Variants in ZMYM2 observed in about 807,000 individuals in gnomAD.
The protein encoded by ZMYM2 is zinc finger MYM-type containing 2, also known as zinc finger MYM-type protein 2.
A neutral mutation model predicts 162.8 loss-of-function variants in ZMYM2; 56 were observed. That is an observed-to-expected ratio of 0.34 (90% CI 0.28 to 0.43). ZMYM2 has a LOEUF of 0.43. Ranked by LOEUF, ZMYM2 falls within the 20% of genes least tolerant of loss-of-function variation. ZMYM2 has a pLI of 1.00. For missense variants in ZMYM2, 1,275 were observed against 1,621.8 expected (o/e 0.79, Z 3.67); for synonymous variants, 510 against 541.6 (o/e 0.94, Z 0.81).
At chr13:19,885,914 T>TGTGTGTATACACATATATGTGTATAC in the ZMYM2 span, among the ~76,000 whole-genome samples, 5 of 37,876 alleles carry the variant, frequency 1.3e-4, 1 homozygote, top group Admixed American at 6.3e-4. Context: ...TATATGTATA[T>TGTGTGTATACACATATATGTGTATAC]ACACATATAT....
At chr13:20,029,708 A>G (rs1952905556) in intron 9 of ZMYM2, among the ~76,000 whole-genome samples, 2 of 152,332 alleles carry the variant, frequency 1.3e-5, no homozygotes. Flanking sequence ...TTAAAAAATG[A>G]TAATTAAATA....
At chr13:19,912,426 G>C in the ZMYM2 span, among the ~76,000 whole-genome samples, 97 of 150,810 alleles carry the variant, frequency 6.4e-4, no homozygotes, top group African/African-American at 2.2e-3. Flanking sequence ...TCAACATCCT[G>C]GGCTCAGGTG....
chr13:20,029,304 C>T (rs1044541204), intron 9 of ZMYM2, among the ~76,000 whole-genome samples: 7 of 152,308 alleles, frequency 4.6e-5, no homozygotes, highest in East Asian at 1.9e-4. Flanking sequence ...GATTAGATCA[C>T]GAGGGTGGAG....
chr13:19,955,605 A>T (rs138192555), upstream of ZMYM2, among the ~76,000 whole-genome samples: 480 of 152,228 alleles, frequency 3.2e-3, 5 homozygotes, highest in African/African-American at 0.011. Context: ...ACTTTCACAG[A>T]AGTTACTTGG....
intron 2 of ZMYM2, among the ~76,000 whole-genome samples, chr13:19,971,262 A>ATATATATATATATATTTT (rs1329532735): frequency 1.7e-4 from 13 of 78,332 alleles, no homozygotes; most frequent in Non-Finnish European, 2.9e-4. Context: ...ATATATATAT[A>ATATATATATATATATTTT]TTTTTTTTTT....
chr13:20,071,847 GC>G, intron 21 of ZMYM2: 1 of 185,890 alleles, frequency 5.4e-6, no homozygotes, highest in Non-Finnish European at 1.2e-5. Context: ...CAGTCATGCT[GC>G]CCTGGATCCA....
chr13:19,870,148 A>G, the ZMYM2 span, among the ~76,000 whole-genome samples: 1 of 152,036 alleles, frequency 6.6e-6, no homozygotes, highest in South Asian at 2.1e-4. Context: ...AAAGTGGTAC[A>G]CTGCCTTTTT....
the ZMYM2 span, among the ~76,000 whole-genome samples, chr13:19,886,604 C>A: frequency 6.6e-6 from 1 of 151,740 alleles, no homozygotes; most frequent in Non-Finnish European, 1.5e-5. Context: ...AGAAGCTGGA[C>A]AATTTGTCTA....
intron 1 of ZMYM2, among the ~76,000 whole-genome samples, chr13:19,959,131 G>A (rs1427481271): frequency 6.7e-6 from 1 of 149,582 alleles, no homozygotes; most frequent in East Asian, 1.9e-4. Context: ...GGCCGGGAGG[G>A]CTGGGTGAGG....
chr13:19,982,550 A>G (rs1362929479), intron 2 of ZMYM2, among the ~76,000 whole-genome samples: 1 of 151,874 alleles, frequency 6.6e-6, no homozygotes, highest in Non-Finnish European at 1.5e-5. Flanking sequence ...GGCCTCCCAA[A>G]CATTAGCTGC....
intron 2 of ZMYM2, among the ~76,000 whole-genome samples, chr13:19,982,150 T>C (rs1026484354): frequency 1.9e-4 from 29 of 152,200 alleles, no homozygotes; most frequent in African/African-American, 6.5e-4. Flanking sequence ...AACTGTGCCT[T>C]AAATCTTCCT....
intron 2 of ZMYM2, among the ~76,000 whole-genome samples, chr13:19,974,893 C>G (rs1317941450): frequency 5.3e-5 from 8 of 152,200 alleles, no homozygotes; most frequent in African/African-American, 1.9e-4. Flanking sequence ...GAATAGGAGT[C>G]TTGCTGCATG....
At chr13:20,057,826 T>A (rs1319700290) in intron 14 of ZMYM2, among the ~76,000 whole-genome samples, 1 of 152,216 alleles carries the variant, frequency 6.6e-6, no homozygotes, top group African/African-American at 2.4e-5. Flanking sequence ...AGTCATTGTT[T>A]GGGGCAACCG....
intron 12 of ZMYM2, among the ~76,000 whole-genome samples, chr13:20,038,658 G>C (rs1186075911): frequency 6.6e-6 from 1 of 152,176 alleles, no homozygotes; most frequent in Non-Finnish European, 1.5e-5. Flanking sequence ...GTACCATGCT[G>C]TTGTGGTTAC....
At chr13:20,044,701 A>T (rs940751000) in intron 12 of ZMYM2, among the ~76,000 whole-genome samples, 3 of 152,188 alleles carry the variant, frequency 2.0e-5, no homozygotes, top group Admixed American at 2.0e-4. Flanking sequence ...TCCTATGTTG[A>T]TAACATGGAA....
At chr13:19,960,226 CGCTCCTGCTGCT>C (rs1955048816) in intron 2 of ZMYM2, among the ~76,000 whole-genome samples, 200 bp downstream of exon 2, 1 of 152,180 alleles carries the variant, frequency 6.6e-6, no homozygotes, top group Non-Finnish European at 1.5e-5. Context: ...CTGCAGACAT[CGCTCCTGCTGCT>C]GCAATACCAA....
intron 2 of ZMYM2, among the ~76,000 whole-genome samples, chr13:19,978,016 A>G (rs886561240): frequency 1.3e-5 from 2 of 150,452 alleles, no homozygotes; most frequent in African/African-American, 2.5e-5. Context: ...AGCTGTGACT[A>G]CAGGTGCCCA....
Position 20,071,907 on chromosome 13 carries a change from A to G in ZMYM2, c.3453+4517A>G, listed in dbSNP as rs950636949. The G allele has an allele frequency of 4.2e-5, 8 of 191,542 alleles. No homozygotes were observed. The East Asian group carries it at 4.3e-4, about 10-fold the overall frequency. The allele number at this position is 191,542 out of a possible 1,614,324, so 11.9% of individuals were successfully genotyped here. ...TGTTCGTTCAAGGCTTTCTGCACCA[A>G]TGGCCAGCACTTTCTAGTAAGCTTC... On this transcript the variant is annotated intron_variant, in intron 21 of 24. Coordinates refer to ENST00000610343, the MANE Select transcript of ZMYM2 (RefSeq NM_197968.4).
intron 6 of ZMYM2, among the ~76,000 whole-genome samples, chr13:20,011,168 A>C (rs1379828232): frequency 1.3e-5 from 2 of 152,228 alleles, no homozygotes; most frequent in Non-Finnish European, 2.9e-5. Context: ...ATGGAACAAT[A>C]GAACTTACTC....
Sources: gnomAD v4.1 joint callset for allele counts (sites outside exome capture counted in the v4.1 genomes callset) on GRCh38, gnomAD v4.1.1 for gene constraint, MANE v1.5 for transcripts, NCBI Gene and HGNC (gene_info 2026-07-23, HGNC 2026-07-21) for gene names.